SLC7A11: variants seen among roughly 807,000 people sequenced by gnomAD.
The protein encoded by SLC7A11 is solute carrier family 7 member 11.
In SLC7A11, 35 loss-of-function variants were observed where a neutral mutation model predicts 54.5. The ratio of observed to expected loss-of-function variants is 0.64; its 90% CI spans 0.49 to 0.85. SLC7A11 has a LOEUF of 0.85. SLC7A11 is among the 40% of genes least tolerant of loss of function. SLC7A11 has a pLI of 0.00. For missense variants in SLC7A11, 583 were observed against 618.1 expected (o/e 0.94, Z 0.60); for synonymous variants, 230 against 225.2 (o/e 1.02, Z -0.19).
intron 11 of SLC7A11, chr4:138,177,837 T>G (rs757997879): frequency 6.6e-6 from 1 of 152,210 alleles, no homozygotes; most frequent in Non-Finnish European, 1.5e-5. Context: ...TGCTGATTTT[T>G]CCTTTTAGTA....
At chr4:138,225,606 C>A (rs1269116793) in intron 3 of SLC7A11, among the ~76,000 whole-genome samples, 3 of 151,994 alleles carry the variant, frequency 2.0e-5, no homozygotes, top group African/African-American at 7.2e-5. Flanking sequence ...AACTCTGCTC[C>A]CTGCTCCATC....
intron 1 of SLC7A11, among the ~76,000 whole-genome samples, chr4:138,241,034 C>G (rs1168734980): frequency 6.6e-6 from 1 of 152,140 alleles, no homozygotes; most frequent in Admixed American, 6.5e-5. Context: ...GACAAATTCT[C>G]TGTGTCCCTG....
At chr4:138,225,656 T>C (rs1006874658) in intron 3 of SLC7A11, among the ~76,000 whole-genome samples, 1 of 152,076 alleles carries the variant, frequency 6.6e-6, no homozygotes, top group Admixed American at 6.6e-5. Context: ...AATGACTGTG[T>C]GATGAGTCAT....
chr4:138,214,571 A>C lies in SLC7A11; in HGVS notation c.791+14T>G, dbSNP rs1223214661. 3.4e-6 allele frequency: 5 copies of C among 1,450,144 alleles called. No homozygotes were observed. Among genetic ancestry groups the C allele is most frequent in the South Asian group, 1.3e-5 (1 of 74,932 alleles). 89.8% of individuals were successfully genotyped at this position (1,450,144 alleles called of 1,614,324 possible). On this transcript the variant is annotated intron_variant, in intron 6 of 11. Transcript: ENST00000280612. ...ATTCTTCATAAAAATTTCAGGGTAC[A>C]TCTGGCTACTTACTTTTCAGGGTTT...
chr4:138,178,720 A>G (rs1372923626), intron 11 of SLC7A11, among the ~76,000 whole-genome samples: 2 of 152,106 alleles, frequency 1.3e-5, no homozygotes, highest in East Asian at 3.9e-4. Context: ...GGAAGCTGCT[A>G]TTGTTCTCTC....
At chr4:138,221,777 C>G (rs558171573) in intron 4 of SLC7A11, among the ~76,000 whole-genome samples, 20 of 152,210 alleles carry the variant, frequency 1.3e-4, no homozygotes, top group Non-Finnish European at 2.4e-4. Flanking sequence ...TATAATGCTA[C>G]CTATAGTATC....
chr4:138,240,737 G>C (rs1435816702), intron 1 of SLC7A11, among the ~76,000 whole-genome samples: 2 of 152,150 alleles, frequency 1.3e-5, no homozygotes, highest in African/African-American at 4.8e-5. Flanking sequence ...GTTAGTGTTA[G>C]TCCCAGAGTT....
Position 138,236,989 on chromosome 4 carries a change from T to C in SLC7A11, c.278-538A>G, listed in dbSNP as rs866519745. ...TCTCTGACTTGCAAGATTTCTTTTT[T>C]TTTTTTTTTTTTTTGAGACGGAGTC... On this transcript the variant is annotated intron_variant, in intron 1 of 11. Coordinates refer to ENST00000280612, the MANE Select transcript of SLC7A11 (RefSeq NM_014331.4). Among the ~76,000 whole-genome samples, 1,369 of 143,984 alleles carry C rather than the reference T, an allele frequency of 9.5e-3. 33 individuals carry two copies. The highest frequency in any genetic ancestry group is 0.033 in the African/African-American group (1,285 of 39,024). 94.5% of individuals were successfully genotyped at this position (143,984 alleles called of 152,430 possible). A position where few individuals can be genotyped will look rare whatever the true frequency, so the allele number is the denominator to read the frequency against.
intron 9 of SLC7A11, among the ~76,000 whole-genome samples, chr4:138,181,162 A>C (rs1736732156): frequency 6.6e-6 from 1 of 152,284 alleles, no homozygotes; most frequent in East Asian, 1.9e-4. Flanking sequence ...TTAGTAAATA[A>C]CCGATAATGA....
Position 138,219,520 on chromosome 4 carries a change from TATAGAAGGGGTCCCAA to T in SLC7A11, c.647-171_647-156del, listed in dbSNP as rs1427730334. Among the ~76,000 whole-genome samples the T allele has an allele frequency of 1.6e-4, 24 of 152,328 alleles. No individual in the cohort carries two copies. In the East Asian group the frequency reaches 4.2e-3, roughly 27 times the overall value. Reference sequence around the variant, plus strand: ...ATCTTTATCAATACTGTACCCATTCTATAGAAGGGGTCCCAAAAGTATATTGATCATTAACACTATT... The same window carrying T: ...ATCTTTATCAATACTGTACCCATTCTAAGTATATTGATCATTAACACTATT... On this transcript the variant is annotated intron_variant, in intron 4 of 11. Transcript: ENST00000280612.
At chr4:138,182,726 AAC>A (rs746836852) in intron 8 of SLC7A11, among the ~76,000 whole-genome samples, 8 of 152,212 alleles carry the variant, frequency 5.3e-5, no homozygotes, top group Non-Finnish European at 8.8e-5. Flanking sequence ...CAATTCAACA[AAC>A]ACACACACAT....
At chr4:138,219,917 T>C (rs898873660) in intron 4 of SLC7A11, among the ~76,000 whole-genome samples, 10 of 149,954 alleles carry the variant, frequency 6.7e-5, no homozygotes, top group African/African-American at 2.2e-4. Context: ...AGACCATGTG[T>C]GTCAACCCAA....
At position 138,171,726 on chromosome 4, in the gene SLC7A11, G is replaced by T. The variant is rs900725703; in HGVS notation, c.*230C>A. The T allele has an allele frequency of 2.1e-6, 1 of 470,276 alleles. No homozygotes were observed. Among genetic ancestry groups the T allele is most frequent in the Non-Finnish European group, 3.6e-6 (1 of 276,958 alleles). 29.1% of individuals were successfully genotyped at this position (470,276 alleles called of 1,614,324 possible). A position where few individuals can be genotyped will look rare whatever the true frequency, so the allele number is the denominator to read the frequency against. ...CAATAGGTAGGTATCAGAGACTCAA[G>T]AATTGTGCGACTCATAGAATAACTG... On this transcript the variant is annotated 3_prime_UTR_variant, in exon 12 of 12. Transcript: ENST00000280612.
intron 11 of SLC7A11, chr4:138,175,957 GAT>G (rs1054486192): frequency 6.6e-6 from 1 of 152,132 alleles, no homozygotes; most frequent in African/African-American, 2.4e-5. Flanking sequence ...GAAAGAACAT[GAT>G]ATTAAATCAT....
At chr4:138,207,438 C>T (rs1381881459) in intron 6 of SLC7A11, among the ~76,000 whole-genome samples, 1 of 152,088 alleles carries the variant, frequency 6.6e-6, no homozygotes, top group African/African-American at 2.4e-5. Flanking sequence ...GGTGTGGTGG[C>T]TCACACCTGT....
intron 5 of SLC7A11, 83 bp downstream of exon 5, chr4:138,219,183 G>T: frequency 1.3e-6 from 1 of 769,302 alleles, no homozygotes. Context: ...ACATTTGCCT[G>T]GCACCTTGCT....
chr4:138,196,865 G>C (rs1737149432), intron 6 of SLC7A11, among the ~76,000 whole-genome samples: 1 of 152,004 alleles, frequency 6.6e-6, no homozygotes, highest in East Asian at 1.9e-4. Context: ...TCACCATGTT[G>C]GCCAGGCTGG....
Position 138,171,323 on chromosome 4 carries a change from G to GTGTC in SLC7A11, c.*629_*632dup, listed in dbSNP as rs1432664382. ...TTTTACTTAAACATAACTCCTGGAT[G>GTGTC]TGTCTCATAAACAGTAGCCCCTAGA... On this transcript the variant is annotated 3_prime_UTR_variant, in exon 12 of 12. Transcript: ENST00000280612. 1 of 152,020 alleles carries GTGTC rather than the reference G, an allele frequency of 6.6e-6. No homozygotes were observed. The highest frequency in any genetic ancestry group is 1.9e-4 in the East Asian group (1 of 5,190). The allele number at this position is 152,020 out of a possible 1,614,324, so 9.4% of individuals were successfully genotyped here. A position where few individuals can be genotyped will look rare whatever the true frequency, so the allele number is the denominator to read the frequency against.
At chr4:138,204,862 G>C (rs1016049283) in intron 6 of SLC7A11, among the ~76,000 whole-genome samples, 3 of 151,892 alleles carry the variant, frequency 2.0e-5, no homozygotes, top group Non-Finnish European at 4.4e-5. Flanking sequence ...ACTAATAATT[G>C]GGCACTTTGC....
Sources: gnomAD v4.1 joint callset for allele counts (sites outside exome capture counted in the v4.1 genomes callset) on GRCh38, gnomAD v4.1.1 for gene constraint, MANE v1.5 for transcripts, NCBI Gene and HGNC (gene_info 2026-07-23, HGNC 2026-07-21) for gene names.